The following RCL1 variants were observed in gnomAD, a reference collection of about 807,000 sequenced individuals.
The protein encoded by RCL1 is RNA terminal phosphate cyclase like 1.
In RCL1, 24 loss-of-function variants were observed where a neutral mutation model predicts 42.4. That is an observed-to-expected ratio of 0.57 (90% CI 0.41 to 0.80). The LOEUF (loss-of-function observed/expected upper bound fraction) is 0.80. RCL1 is among the 30% of genes least tolerant of loss of function. The pLI, the probability that RCL1 is intolerant of heterozygous loss-of-function variation, is 0.00. For missense variants in RCL1, 578 were observed against 467.9 expected (o/e 1.24, Z -2.17); for synonymous variants, 228 against 177.3 (o/e 1.29, Z -2.27).
At chr9:4,832,496 G>A (rs754351810) in intron 3 of RCL1, among the ~76,000 whole-genome samples, 2 of 152,122 alleles carry the variant, frequency 1.3e-5, no homozygotes, top group South Asian at 2.1e-4. Flanking sequence ...TCTTCTGTAC[G>A]TTTATACCTA....
intron 1 of RCL1, 147 bp downstream of exon 1, chr9:4,793,374 C>T (rs1842862925): frequency 6.6e-6 from 6 of 914,682 alleles, no homozygotes; most frequent in Non-Finnish European, 9.2e-6. Flanking sequence ...GCCTCCAAAG[C>T]CGGAGGGGCA....
At chr9:4,856,652 T>A (rs1388849371) in intron 8 of RCL1, among the ~76,000 whole-genome samples, 2 of 152,022 alleles carry the variant, frequency 1.3e-5, no homozygotes, top group Admixed American at 6.5e-5. Flanking sequence ...GTGGGAAAGA[T>A]CGTTTGGGGT....
intron 1 of RCL1, among the ~76,000 whole-genome samples, chr9:4,821,750 G>T (rs1483527946): frequency 6.6e-6 from 1 of 152,126 alleles, no homozygotes; most frequent in African/African-American, 2.4e-5. Flanking sequence ...GAGTGGCTGG[G>T]ACTACAGATA....
At chr9:4,859,327 C>G (rs1231688207) in intron 8 of RCL1, among the ~76,000 whole-genome samples, 1 of 152,198 alleles carries the variant, frequency 6.6e-6, no homozygotes, top group African/African-American at 2.4e-5. Context: ...ACCCACAGTT[C>G]TTCCCCGTCT....
At position 4,838,435 on chromosome 9, in the gene RCL1, C is replaced by T. The variant is rs138805945; in HGVS notation, c.585-2797C>T. Reference sequence around the variant, plus strand: ...TTCTGTTTTAGTTTTGCAGTGCTGTCCTAGGAGCTCATGATTTGGTACATG... The same window carrying T: ...TTCTGTTTTAGTTTTGCAGTGCTGTTCTAGGAGCTCATGATTTGGTACATG... On this transcript the variant is annotated intron_variant, in intron 5 of 8. Transcript: ENST00000381750. 2.2e-3 allele frequency among the ~76,000 whole-genome samples: 339 copies of T among 152,244 alleles called. 2 individuals carry two copies. The highest frequency in any genetic ancestry group is 7.9e-3 in the African/African-American group (327 of 41,542).
intron 5 of RCL1, among the ~76,000 whole-genome samples, chr9:4,835,441 C>G (rs770235001): frequency 6.6e-6 from 1 of 152,066 alleles, no homozygotes; most frequent in Non-Finnish European, 1.5e-5. Context: ...AGTGCTGGAT[C>G]CCTATCCCAA....
At chr9:4,850,410 G>A (rs760160323) in intron 8 of RCL1, 1 of 502,790 alleles carries the variant, frequency 2.0e-6, no homozygotes, top group Non-Finnish European at 4.2e-6. Context: ...GGACTGCGGT[G>A]GGGCTATGCA....
chr9:4,800,525 A>AT (rs200882676), intron 1 of RCL1, among the ~76,000 whole-genome samples: 1,944 of 150,762 alleles, frequency 0.013, 34 homozygotes, highest in African/African-American at 0.046. Context: ...AGGTTTTTTT[A>AT]TTTTTTTATG....
intron 8 of RCL1, among the ~76,000 whole-genome samples, chr9:4,855,223 C>G (rs1563861607): frequency 1.3e-5 from 2 of 152,028 alleles, no homozygotes; most frequent in Non-Finnish European, 2.9e-5. Flanking sequence ...TAATCATTCT[C>G]TATGTTAGGT....
chr9:4,804,553 C>T (rs1843065761), intron 1 of RCL1: 3 of 152,482 alleles, frequency 2.0e-5, no homozygotes, highest in Admixed American at 2.0e-4. Context: ...TCCAGTCGCC[C>T]AGGGGTCTCA....
At chr9:4,851,491 T>A (rs1163446763) in intron 8 of RCL1, among the ~76,000 whole-genome samples, 1 of 152,202 alleles carries the variant, frequency 6.6e-6, no homozygotes, top group Non-Finnish European at 1.5e-5. Flanking sequence ...CACAAAGAGA[T>A]GAAGGGCAAA....
chr9:4,807,199 A>G (rs1480589904), intron 1 of RCL1, among the ~76,000 whole-genome samples: 3 of 151,780 alleles, frequency 2.0e-5, no homozygotes, highest in Non-Finnish European at 4.4e-5. Context: ...AATTTTATTG[A>G]TCTCTTTAAA....
intron 1 of RCL1, among the ~76,000 whole-genome samples, chr9:4,813,316 C>T (rs1225876027): frequency 2.0e-5 from 3 of 152,150 alleles, no homozygotes; most frequent in Admixed American, 2.0e-4. Flanking sequence ...CCAGAATCTA[C>T]AAAGAACTTA....
intron 2 of RCL1, among the ~76,000 whole-genome samples, chr9:4,824,943 G>C (rs1477304477): frequency 6.6e-6 from 1 of 152,148 alleles, no homozygotes; most frequent in Non-Finnish European, 1.5e-5. Flanking sequence ...ACGGAGTCTT[G>C]TTCCGTCAAC....
At chr9:4,808,420 A>C (rs902804902) in intron 1 of RCL1, among the ~76,000 whole-genome samples, 11 of 151,566 alleles carry the variant, frequency 7.3e-5, no homozygotes, top group African/African-American at 2.2e-4. Flanking sequence ...TGATCCTCCT[A>C]TTTCAGCCTC....
chr9:4,849,448 G>C lies in RCL1; in HGVS notation c.869G>C (p.Gly290Ala). ...ARLLLEEIYR[G>A]GCVDSTNQSL... is the part of the protein sequence containing the mutation. ...ACAATTATTAATTTGTGTTTACAGG[G>C]TGGATGCGTAGACTCGACCAACCAA... Residue 290 changes from glycine (G) to alanine (A), a missense_variant and splice_region_variant, in exon 8 of 9, where the codon GGT becomes GCT. Physicochemically the swap from Gly to Ala is moderately conservative, Grantham distance 60 (BLOSUM62 0). Transcript: ENST00000381750. 6.2e-7 allele frequency: 1 copy of C among 1,611,846 alleles called. No individual in the cohort carries two copies. The highest frequency in any genetic ancestry group is 8.5e-7 in the Non-Finnish European group (1 of 1,178,070).
chr9:4,860,078 T>A (rs1259675729), intron 8 of RCL1, 47 bp from the exon 9 acceptor site: 12 of 1,359,650 alleles, frequency 8.8e-6, no homozygotes, highest in Non-Finnish European at 9.9e-6. Flanking sequence ...TAATTTTTTT[T>A]TGAATGAATT....
chr9:4,838,965 C>G (rs1817226290), intron 5 of RCL1, among the ~76,000 whole-genome samples: 13 of 152,234 alleles, frequency 8.5e-5, no homozygotes, highest in Admixed American at 8.5e-4. Flanking sequence ...TTTGTGCCTC[C>G]AAACTCTGTG....
At chr9:4,825,104 A>T (rs1200042427) in intron 2 of RCL1, among the ~76,000 whole-genome samples, 2 of 150,824 alleles carry the variant, frequency 1.3e-5, no homozygotes, top group African/African-American at 2.4e-5. Context: ...TAGTAGAGAC[A>T]GGGTGATCTG....
Sources: allele counts gnomAD v4.1 joint callset (sites outside exome capture counted in the v4.1 genomes callset), GRCh38; gene constraint gnomAD v4.1.1; transcripts MANE v1.5; gene names NCBI Gene and HGNC (gene_info 2026-07-23, HGNC 2026-07-21).